TEX14: variants seen among roughly 807,000 people sequenced by gnomAD.
TEX14 encodes testis expressed 14, intercellular bridge forming factor.
TEX14 carries 168 observed loss-of-function variants against 178.6 expected under a neutral mutation model. The observed-to-expected ratio is 0.94, with a 90% CI of 0.83 to 1.07. TEX14 has a LOEUF of 1.07. Ranked by LOEUF, TEX14 falls within the 50% of genes least tolerant of loss-of-function variation. The pLI, the probability that TEX14 is intolerant of heterozygous loss-of-function variation, is 0.00. For missense variants in TEX14, 1,730 were observed against 1,753.6 expected (o/e 0.99, Z 0.24); for synonymous variants, 626 against 634.1 (o/e 0.99, Z 0.19).
intron 1 of TEX14, chr17:58,666,533 C>T (rs2047212385): frequency 7.0e-6 from 1 of 141,894 alleles, no homozygotes; most frequent in Non-Finnish European, 1.5e-5. Flanking sequence ...TCAACTACCA[C>T]AACCAGCAGC....
chr17:58,564,842 T>G, intron 28 of TEX14, 27 bp downstream of exon 28: 2 of 1,393,544 alleles, frequency 1.4e-6, no homozygotes, highest in East Asian at 2.4e-5. Flanking sequence ...TTTTAAATCC[T>G]TTCAACAGTC....
intron 1 of TEX14, among the ~76,000 whole-genome samples, chr17:58,655,876 G>T (rs568910246): frequency 6.6e-6 from 1 of 152,310 alleles, no homozygotes; most frequent in East Asian, 1.9e-4. Flanking sequence ...TTATTCCCAA[G>T]CATAATCCAT....
At chr17:58,590,095 T>C (rs1207306557) in intron 15 of TEX14, among the ~76,000 whole-genome samples, 1 of 151,912 alleles carries the variant, frequency 6.6e-6, no homozygotes, top group Non-Finnish European at 1.5e-5. Context: ...ATCTTGTCTC[T>C]ACTAAAAATA....
chr17:58,626,488 G>A (rs141666817), intron 3 of TEX14, among the ~76,000 whole-genome samples: 3 of 146,940 alleles, frequency 2.0e-5, no homozygotes, highest in African/African-American at 7.6e-5. Context: ...GAGAATTGCT[G>A]GAACCCTGTA....
chr17:58,586,594 C>T (rs907973467), intron 17 of TEX14, among the ~76,000 whole-genome samples: 12 of 152,116 alleles, frequency 7.9e-5, no homozygotes, highest in African/African-American at 2.7e-4. Flanking sequence ...TAAGAGAAAA[C>T]TGATACAAAG....
intron 10 of TEX14, among the ~76,000 whole-genome samples, chr17:58,609,211 G>A (rs1416675414): frequency 6.6e-6 from 1 of 152,166 alleles, no homozygotes; most frequent in African/African-American, 2.4e-5. Flanking sequence ...CCAGGTTCAC[G>A]CCATTCTCCT....
intron 10 of TEX14, 86 bp downstream of exon 10, chr17:58,611,075 C>T: frequency 1.0e-6 from 1 of 967,226 alleles, no homozygotes. Flanking sequence ...ATGAGGAGTC[C>T]CACCCAGATC....
chr17:58,628,939 A>C (rs1164208069), intron 3 of TEX14, among the ~76,000 whole-genome samples: 1 of 152,142 alleles, frequency 6.6e-6, no homozygotes, highest in East Asian at 1.9e-4. Flanking sequence ...AAGCAGGTAC[A>C]TTAAACAGAG....
chr17:58,587,929 G>A lies in TEX14; in HGVS notation c.2669C>T (p.Ser890Phe), dbSNP rs779787294. The change falls in exon 16 of 32, where the codon TCT becomes TTT. Residue 890 changes from serine to phenylalanine, a missense_variant. By Grantham distance (155) the Ser-to-Phe change is radical. Transcript: ENST00000349033. ...FTLSSHRQGPSASPSCHWDST... is the reference protein window; with the variant it reads ...FTLSSHRQGPFASPSCHWDST... ...GTCCCAGTGACAGCTGGGTGATGCA[G>A]AAGGTCCCTGCCGGTGGCTTGACAG... 3.1e-5 allele frequency: 50 copies of A among 1,613,530 alleles called. No homozygotes were observed. The East Asian group carries it at 1.0e-3, about 34-fold the overall frequency.
chr17:58,646,625 C>T (rs1480632371), intron 2 of TEX14, among the ~76,000 whole-genome samples: 15 of 152,108 alleles, frequency 9.9e-5, no homozygotes, highest in African/African-American at 3.6e-4. Flanking sequence ...GCCATGGCAC[C>T]CGGCTTGGTC....
At chr17:58,681,441 T>C (rs896613121) in intron 1 of TEX14, among the ~76,000 whole-genome samples, 3 of 152,176 alleles carry the variant, frequency 2.0e-5, no homozygotes, top group Non-Finnish European at 4.4e-5. Context: ...TTTATTTTTA[T>C]ATACTTTCCT....
In TEX14 at chr17:58,569,361, T is replaced by C; in HGVS notation, c.3818-101A>G. 1 of 856,360 alleles carries C rather than the reference T, an allele frequency of 1.2e-6. No individual in the cohort carries two copies. The highest frequency in any genetic ancestry group is 1.9e-6 in the Non-Finnish European group (1 of 527,698). 53.0% of individuals were successfully genotyped at this position (856,360 alleles called of 1,614,324 possible). On this transcript the variant is annotated intron_variant, in intron 25 of 31. Coordinates refer to ENST00000349033, the MANE Select transcript of TEX14 (RefSeq NM_031272.5). The surrounding 1 kb of genome is among the most constrained non-coding windows in gnomAD (Gnocchi z 4.1). ...ACATAGACTTGACTGAGGATTTCTC[T>C]CAATGATGAAACAAACTAAGGAGGA...
chr17:58,604,544 T>C (rs1213623966), intron 11 of TEX14, among the ~76,000 whole-genome samples: 1 of 151,228 alleles, frequency 6.6e-6, no homozygotes, highest in African/African-American at 2.4e-5. Flanking sequence ...GACAAGCAGA[T>C]GGATGGGCTT....
intron 1 of TEX14, among the ~76,000 whole-genome samples, chr17:58,670,874 G>A (rs2047295029): frequency 6.8e-6 from 1 of 146,218 alleles, no homozygotes; most frequent in South Asian, 2.2e-4. Context: ...TAAAATGATA[G>A]AAGTACATAC....
At chr17:58,660,541 G>C (rs770254659) in intron 1 of TEX14, 1 of 765,676 alleles carries the variant, frequency 1.3e-6, no homozygotes, top group Non-Finnish European at 2.4e-6. Context: ...GGCGGGGAAG[G>C]TGTGCACCCT....
chr17:58,608,565 G>T (rs1251509212), intron 10 of TEX14, among the ~76,000 whole-genome samples: 1 of 152,260 alleles, frequency 6.6e-6, no homozygotes, highest in Non-Finnish European at 1.5e-5. Context: ...GACAGAGCAA[G>T]ATCTTGTCTC....
chr17:58,607,939 G>A (rs925519469), intron 10 of TEX14, among the ~76,000 whole-genome samples: 3 of 152,154 alleles, frequency 2.0e-5, no homozygotes, highest in Admixed American at 6.5e-5. Flanking sequence ...ATTGTAGTGA[G>A]CCACTGTACT....
chr17:58,589,692 C>A (rs1362534956), intron 15 of TEX14, among the ~76,000 whole-genome samples: 1 of 149,096 alleles, frequency 6.7e-6, no homozygotes, highest in Non-Finnish European at 1.5e-5. Flanking sequence ...TGATCAGCTT[C>A]CTTTTTAAAA....
intron 2 of TEX14, among the ~76,000 whole-genome samples, chr17:58,647,115 G>C (rs1205160275): frequency 1.3e-5 from 2 of 151,836 alleles, no homozygotes; most frequent in African/African-American, 4.8e-5. Flanking sequence ...GGCCAGGATG[G>C]TCTGGAACTC....
Sources: gnomAD v4.1 joint callset for allele counts (sites outside exome capture counted in the v4.1 genomes callset) on GRCh38, gnomAD v4.1.1 for gene constraint, Gnocchi (gnomAD v3.1) non-coding constraint, MANE v1.5 for transcripts, NCBI Gene and HGNC (gene_info 2026-07-23, HGNC 2026-07-21) for gene names.